The following AKAP13 variants were observed in gnomAD, a reference collection of about 807,000 sequenced individuals.
AKAP13 encodes A-kinase anchoring protein 13.
A neutral mutation model predicts 264.5 loss-of-function variants in AKAP13; 80 were observed. The observed-to-expected ratio is 0.30, with a 90% CI of 0.25 to 0.36. The LOEUF (loss-of-function observed/expected upper bound fraction) is 0.36, where lower values mean the gene tolerates loss of function less well. Ranked by LOEUF, AKAP13 falls within the 10% of genes least tolerant of loss-of-function variation. The pLI is 1.00. For synonymous variants in AKAP13, 1,380 were observed against 1,250.2 expected (o/e 1.10, Z -2.19); for missense variants, 3,712 against 3,435.2 (o/e 1.08, Z -2.01).
chr15:85,519,202 A>G (rs2076720593), intron 2 of AKAP13, among the ~76,000 whole-genome samples: 1 of 152,188 alleles, frequency 6.6e-6, no homozygotes. Flanking sequence ...AAAACTAGCC[A>G]TGGATGATGG....
intron 2 of AKAP13, among the ~76,000 whole-genome samples, chr15:85,519,738 C>A (rs1310414766): frequency 6.6e-6 from 1 of 152,156 alleles, no homozygotes; most frequent in African/African-American, 2.4e-5. Flanking sequence ...TCGTAGTAGT[C>A]ATGGACCCAC....
chr15:85,458,365 T>C (rs894799120), intron 1 of AKAP13, among the ~76,000 whole-genome samples: 6 of 149,872 alleles, frequency 4.0e-5, no homozygotes, highest in African/African-American at 1.5e-4. Flanking sequence ...CTTTCTTTTT[T>C]TCTCTTTTTT....
chr15:85,675,980 C>T (rs948726367), intron 14 of AKAP13, among the ~76,000 whole-genome samples: 9 of 151,920 alleles, frequency 5.9e-5, no homozygotes, highest in Admixed American at 4.6e-4. Context: ...GGCGCTATCT[C>T]GGCTCACTGC....
chr15:85,589,462 A>G (rs1351987833), intron 8 of AKAP13, among the ~76,000 whole-genome samples: 1 of 152,130 alleles, frequency 6.6e-6, no homozygotes, highest in Non-Finnish European at 1.5e-5. Context: ...CATTAAAAAA[A>G]TGTAAAATCT....
chr15:85,741,006 C>T, intron 34 of AKAP13, 40 bp from the exon 35 acceptor site: 1 of 1,565,204 alleles, frequency 6.4e-7, no homozygotes, highest in South Asian at 1.2e-5. Context: ...CGCTGTCGTC[C>T]TGGCCAGAGT....
At chr15:85,741,522 C>T (rs1384720260) in intron 35 of AKAP13, 27 bp downstream of exon 35, 2 of 1,541,258 alleles carry the variant, frequency 1.3e-6, no homozygotes, top group Non-Finnish European at 1.7e-6. Flanking sequence ...CCGAGAGCAA[C>T]CTAATGATGA....
chr15:85,579,711 C>T lies in AKAP13; in HGVS notation c.1643C>T (p.Pro548Leu), dbSNP rs1298770232. ...PAASSLDGNK[P>L]AESSLAFSNE... ...GCCAGTTCCCTGGATGGTAACAAAC[C>T]TGCTGAGTCTTCACTTGCATTTAGT... The change falls in exon 7 of 37, where the codon CCT becomes CTT. Residue 548 changes from proline to leucine, a missense_variant. Transcript: ENST00000394518. 6.2e-7 allele frequency: 1 copy of T among 1,614,104 alleles called. No individual in the cohort carries two copies. The highest frequency in any genetic ancestry group is 1.3e-5 in the African/African-American group (1 of 74,928).
intron 9 of AKAP13, among the ~76,000 whole-genome samples, chr15:85,640,736 A>G (rs540301618): frequency 1.3e-5 from 2 of 152,198 alleles, no homozygotes; most frequent in Non-Finnish European, 2.9e-5. Flanking sequence ...TTTTTCTAAA[A>G]GTGTAATTAA....
At chr15:85,732,069 C>G (rs1055903382) in intron 30 of AKAP13, among the ~76,000 whole-genome samples, 6 of 129,210 alleles carry the variant, frequency 4.6e-5, no homozygotes, top group African/African-American at 1.5e-4. Context: ...GGCAACAGAG[C>G]GAGACTATCT....
intron 30 of AKAP13, among the ~76,000 whole-genome samples, chr15:85,731,341 T>G (rs1294700713): frequency 6.6e-6 from 1 of 152,196 alleles, no homozygotes; most frequent in Non-Finnish European, 1.5e-5. Context: ...ATGGCTTAAG[T>G]GCCTACTCCT....
intron 8 of AKAP13, among the ~76,000 whole-genome samples, chr15:85,617,972 C>G (rs1205408572): frequency 6.6e-6 from 1 of 152,208 alleles, no homozygotes; most frequent in Non-Finnish European, 1.5e-5. Flanking sequence ...AAAGCAACAT[C>G]TGTTTCACTG....
chr15:85,514,995 A>T (rs1362750463), intron 2 of AKAP13, among the ~76,000 whole-genome samples: 1 of 137,532 alleles, frequency 7.3e-6, no homozygotes, highest in Non-Finnish European at 1.5e-5. Flanking sequence ...TCAGACTGGG[A>T]AATAAATTTG....
intron 5 of AKAP13, 41 bp from the exon 6 acceptor site, chr15:85,575,090 G>C: frequency 1.3e-6 from 2 of 1,591,994 alleles, no homozygotes; most frequent in Non-Finnish European, 8.6e-7. Context: ...ATGCCTGGGA[G>C]GCAGAATGTA....
At chr15:85,722,393 C>G (rs1451735224) in intron 25 of AKAP13, 46 bp downstream of exon 25, 8 of 1,480,596 alleles carry the variant, frequency 5.4e-6, no homozygotes, top group Non-Finnish European at 7.4e-6. Flanking sequence ...TGGACTGTTT[C>G]CTCTGTGGCC....
At chr15:85,694,726 C>T (rs72748170) in intron 17 of AKAP13, among the ~76,000 whole-genome samples, 2 of 152,108 alleles carry the variant, frequency 1.3e-5, no homozygotes, top group African/African-American at 4.8e-5. Context: ...TGCTTCTGGT[C>T]AGAGGTGACA....
At chr15:85,475,410 A>G (rs938775071) in intron 1 of AKAP13, among the ~76,000 whole-genome samples, 1 of 152,142 alleles carries the variant, frequency 6.6e-6, no homozygotes, top group African/African-American at 2.4e-5. Context: ...TTTCTTCTCC[A>G]TATAGATCTT....
intron 8 of AKAP13, among the ~76,000 whole-genome samples, chr15:85,633,535 CTTTTTTTTTTTTTTT>C (rs56687591): frequency 0.029 from 2,810 of 97,926 alleles, 106 homozygotes; most frequent in African/African-American, 0.092. Context: ...CTTTTTTTTT[CTTTTTTTTTTTTTTT>C]TTTTTTTTTT....
intron 14 of AKAP13, among the ~76,000 whole-genome samples, chr15:85,671,949 C>T (rs2151571551): frequency 6.6e-6 from 1 of 152,234 alleles, no homozygotes; most frequent in East Asian, 1.9e-4. Flanking sequence ...GGATGAAACA[C>T]TTCATTATTT....
chr15:85,703,509 T>A (rs2086046322), intron 17 of AKAP13, among the ~76,000 whole-genome samples: 1 of 152,172 alleles, frequency 6.6e-6, no homozygotes, highest in East Asian at 1.9e-4. Context: ...ATATAAGCAC[T>A]CTTAGTCCAG....
Sources: allele counts gnomAD v4.1 joint callset (sites outside exome capture counted in the v4.1 genomes callset), GRCh38; gene constraint gnomAD v4.1.1; transcripts MANE v1.5; gene names NCBI Gene and HGNC (gene_info 2026-07-23, HGNC 2026-07-21).